Variants in TMEM232 observed in about 807,000 individuals in gnomAD.
TMEM232 encodes the protein transmembrane protein 232.
Under a neutral mutation model 78.8 loss-of-function variants are expected in TMEM232, and 80 were observed. The ratio of observed to expected loss-of-function variants is 1.01; its 90% CI spans 0.85 to 1.22. The LOEUF (loss-of-function observed/expected upper bound fraction) is 1.22. Among genes scored for constraint, TMEM232 ranks in the 50% most tolerant of loss-of-function variants. The pLI is 0.00. For missense variants in TMEM232, 881 were observed against 742.2 expected, an observed-to-expected ratio of 1.19 and a Z score of -2.17; for synonymous variants, 297 against 254.3, an observed-to-expected ratio of 1.17 and a Z score of -1.60.
intron 2 of TMEM232, among the ~76,000 whole-genome samples, chr5:110,664,063 C>G (rs1180729718): frequency 6.6e-6 from 1 of 151,910 alleles, no homozygotes; most frequent in Non-Finnish European, 1.5e-5. Context: ...TCTCTTGAGC[C>G]CAGGAATTCG....
upstream of TMEM232, chr5:110,738,825 T>C (rs947092884): frequency 5.3e-5 from 30 of 564,418 alleles, no homozygotes; most frequent in African/African-American, 5.3e-4. Flanking sequence ...TGGAATCTCT[T>C]TGGTACTGTG....
chr5:110,420,496 C>T lies in TMEM232; in HGVS notation c.*84G>A. On this transcript the variant is annotated 3_prime_UTR_variant, in exon 14 of 14. Coordinates refer to ENST00000455884, the MANE Select transcript of TMEM232 (RefSeq NM_001039763.4). Reference sequence around the variant, plus strand: ...ATTTAATGACAAGAAAGTTCTCTTACTATGTAGCTATCTTGGTATTTTTCA... The same window carrying T: ...ATTTAATGACAAGAAAGTTCTCTTATTATGTAGCTATCTTGGTATTTTTCA... 1.2e-6 allele frequency: 1 copy of T among 836,634 alleles called. No individual in the cohort carries two copies. Among genetic ancestry groups the T allele is most frequent in the South Asian group, 2.5e-5 (1 of 39,424 alleles). The allele number at this position is 836,634 out of a possible 1,614,324, so 51.8% of individuals were successfully genotyped here. A position where few individuals can be genotyped will look rare whatever the true frequency, so the allele number is the denominator to read the frequency against.
At chr5:110,632,963 A>G (rs537887347) in intron 5 of TMEM232, among the ~76,000 whole-genome samples, 1 of 152,314 alleles carries the variant, frequency 6.6e-6, no homozygotes, top group South Asian at 2.1e-4. Flanking sequence ...AGTCAAAGAT[A>G]AAGAAAAAAT....
chr5:110,522,575 G>C (rs1020161152), intron 12 of TMEM232, among the ~76,000 whole-genome samples: 10 of 151,838 alleles, frequency 6.6e-5, no homozygotes, highest in African/African-American at 2.4e-4. Flanking sequence ...ATTATGTCGA[G>C]GTATATTCCT....
At chr5:110,649,288 C>T (rs902868367) in intron 2 of TMEM232, among the ~76,000 whole-genome samples, 5 of 151,822 alleles carry the variant, frequency 3.3e-5, no homozygotes, top group African/African-American at 9.7e-5. Flanking sequence ...ATGAAGACAG[C>T]ACTAGGATTT....
chr5:110,457,203 C>A (rs921980031), intron 12 of TMEM232, among the ~76,000 whole-genome samples: 1 of 151,892 alleles, frequency 6.6e-6, no homozygotes, highest in Admixed American at 6.6e-5. Flanking sequence ...TAAAAGTGAA[C>A]AAATGATTTC....
chr5:110,444,573 T>G (rs973504756), intron 12 of TMEM232, among the ~76,000 whole-genome samples: 4 of 152,216 alleles, frequency 2.6e-5, no homozygotes, highest in African/African-American at 9.6e-5. Flanking sequence ...TTGTTTAACT[T>G]TGGTGTTCCT....
At position 110,424,932 on chromosome 5, in the gene TMEM232, A is replaced by G; in HGVS notation, c.1704-16T>C. 1 of 1,529,934 alleles carries G rather than the reference A, an allele frequency of 6.5e-7. No individual in the cohort carries two copies. The highest frequency in any genetic ancestry group is 8.8e-7 in the Non-Finnish European group (1 of 1,130,386). The allele number at this position is 1,529,934 out of a possible 1,614,324, so 94.8% of individuals were successfully genotyped here. ...AGGATGTTCCCTTCAAAAGAGCACA[A>G]GAACAAATCCAACATTAGGTATAGG... On this transcript the variant is annotated splice_polypyrimidine_tract_variant and intron_variant, in intron 12 of 13. Coordinates refer to ENST00000455884, the MANE Select transcript of TMEM232 (RefSeq NM_001039763.4).
chr5:110,463,379 A>ATAGTT (rs1392599684), intron 12 of TMEM232, among the ~76,000 whole-genome samples: 1 of 152,232 alleles, frequency 6.6e-6, no homozygotes, highest in Non-Finnish European at 1.5e-5. Context: ...AGACTACAGT[A>ATAGTT]TAGTTTAAAC....
rs1278936876 is a variant in TMEM232, at chr5:110,401,283, C to CTTTTTTTTTTTTTT, written n.309-3430_309-3429insAAAAAAAAAAAAAA. Among the ~76,000 whole-genome samples, 22 of 143,996 alleles carry CTTTTTTTTTTTTTT rather than the reference C, an allele frequency of 1.5e-4. 2 individuals carry two copies. Among genetic ancestry groups the CTTTTTTTTTTTTTT allele is most frequent in the African/African-American group, 5.7e-4 (22 of 38,490 alleles). 94.5% of individuals were successfully genotyped at this position (143,996 alleles called of 152,430 possible). A position where few individuals can be genotyped will look rare whatever the true frequency, so the allele number is the denominator to read the frequency against. On this transcript the variant is annotated intron_variant and non_coding_transcript_variant, in intron 2 of 8. Transcript: ENST00000507188. ...GGCAACTTGACACAGACACAACATT[C>CTTTTTTTTTTTTTT]TTTTTTTTTTTGGAGCACTTAAGAT...
At chr5:110,470,595 T>C (rs1037913259) in intron 12 of TMEM232, among the ~76,000 whole-genome samples, 5 of 152,126 alleles carry the variant, frequency 3.3e-5, no homozygotes, top group Non-Finnish European at 1.5e-5. Flanking sequence ...CCCTAATAAC[T>C]TGTGCTGCCA....
At chr5:110,484,320 T>C (rs1238648855) in intron 12 of TMEM232, among the ~76,000 whole-genome samples, 1 of 151,588 alleles carries the variant, frequency 6.6e-6, no homozygotes, top group Non-Finnish European at 1.5e-5. Context: ...AAATAAAGTT[T>C]AAAAAGTGAA....
chr5:110,571,733 C>A (rs991720506), intron 10 of TMEM232, among the ~76,000 whole-genome samples: 3 of 150,742 alleles, frequency 2.0e-5, no homozygotes, highest in Non-Finnish European at 4.4e-5. Flanking sequence ...TGGTGCACAT[C>A]TGTAGTCCCA....
chr5:110,389,845 G>A (rs1755115926), intron 4 of TMEM232, among the ~76,000 whole-genome samples: 1 of 152,116 alleles, frequency 6.6e-6, no homozygotes, highest in African/African-American at 2.4e-5. Context: ...TCGTTTCTTT[G>A]CTACGGTGAA....
Position 110,505,052 on chromosome 5 carries a change from G to A in TMEM232, c.1703+23536C>T, listed in dbSNP as rs543681332. 3.9e-5 allele frequency among the ~76,000 whole-genome samples: 6 copies of A among 152,244 alleles called. No homozygotes were observed. In the East Asian group the frequency reaches 9.7e-4, roughly 25 times the overall value. ...GAGTGTCGCTTTTAACCATTAGAGTGTTGCTACATCTCTTTGAAAATTATG... is the reference window on the plus strand; with the variant it reads ...GAGTGTCGCTTTTAACCATTAGAGTATTGCTACATCTCTTTGAAAATTATG... On this transcript the variant is annotated intron_variant, in intron 12 of 13. Transcript: ENST00000455884.
chr5:110,494,968 A>T lies in TMEM232; in HGVS notation c.1703+33620T>A, dbSNP rs138762411. On this transcript the variant is annotated intron_variant, in intron 12 of 13. Coordinates refer to ENST00000455884, the MANE Select transcript of TMEM232 (RefSeq NM_001039763.4). ...TCTTACAAAAATAAGTGAAAGATAA[A>T]CAAATTTGGGATAATGGAATTAGAA... 3.1e-3 allele frequency among the ~76,000 whole-genome samples: 474 copies of T among 151,832 alleles called. 1 individual carries two copies. Among genetic ancestry groups the T allele is most frequent in the African/African-American group, 0.011 (457 of 41,512 alleles).
chr5:110,704,190 T>C (rs79323982), intron 1 of TMEM232, among the ~76,000 whole-genome samples: 2,061 of 152,230 alleles, frequency 0.014, 45 homozygotes, highest in African/African-American at 0.046. Context: ...CTATGTTTAT[T>C]GGAAGAGACA....
intron 1 of TMEM232, among the ~76,000 whole-genome samples, chr5:110,674,727 GA>G (rs534880397): frequency 2.6e-5 from 4 of 152,302 alleles, no homozygotes; most frequent in Admixed American, 2.6e-4. Flanking sequence ...GATTTCCAAT[GA>G]ATCTTTGCCA....
intron 7 of TMEM232, among the ~76,000 whole-genome samples, chr5:110,620,645 TC>T (rs1709211982): frequency 3.6e-5 from 3 of 83,456 alleles, no homozygotes; most frequent in African/African-American, 1.1e-4. Context: ...CTCTCCTCTC[TC>T]CTCTCTCTCT....
Sources: gnomAD v4.1 joint callset for allele counts (sites outside exome capture counted in the v4.1 genomes callset) on GRCh38, gnomAD v4.1.1 for gene constraint, MANE v1.5 for transcripts, NCBI Gene and HGNC (gene_info 2026-07-23, HGNC 2026-07-21) for gene names.